CELF2: variants seen among roughly 807,000 people sequenced by gnomAD.
CELF2 encodes the protein CUGBP Elav-like family member 2.
A neutral mutation model predicts 62.6 loss-of-function variants in CELF2; 8 were observed. The ratio of observed to expected loss-of-function variants is 0.13; its 90% CI spans 0.07 to 0.23. The LOEUF (loss-of-function observed/expected upper bound fraction) is 0.23. Among genes scored for constraint, CELF2 ranks in the 10% least tolerant of loss-of-function variants. The pLI is 1.00. For synonymous variants in CELF2, 258 were observed against 250.0 expected (o/e 1.03, Z -0.30); for missense variants, 333 against 671.0 (o/e 0.50, Z 5.56).
the CELF2 span, among the ~76,000 whole-genome samples, chr10:10,647,052 C>G: frequency 6.6e-6 from 1 of 152,156 alleles, no homozygotes; most frequent in South Asian, 2.1e-4. Context: ...TAAATAGGGT[C>G]ACATACTCCT....
chr10:11,118,445 G>A (rs1446647133), intron 1 of CELF2, among the ~76,000 whole-genome samples: 1 of 151,898 alleles, frequency 6.6e-6, no homozygotes, highest in South Asian at 2.1e-4. Context: ...GGGATTACAA[G>A]TGTGAGCCCC....
intron 2 of CELF2, among the ~76,000 whole-genome samples, chr10:10,920,476 TCTCA>T (rs1402048510): frequency 6.6e-6 from 1 of 152,210 alleles, no homozygotes; most frequent in African/African-American, 2.4e-5. Context: ...GCAGTGGAAT[TCTCA>T]CTGTCATCAA....
At chr10:11,295,425 CA>C (rs1217879384) in intron 9 of CELF2, among the ~76,000 whole-genome samples, 2 of 152,226 alleles carry the variant, frequency 1.3e-5, no homozygotes, top group Non-Finnish European at 2.9e-5. Context: ...GTAACTTCTA[CA>C]CTCTTAAAAC....
chr10:11,293,619 T>C (rs2092799741), intron 9 of CELF2, among the ~76,000 whole-genome samples: 1 of 152,176 alleles, frequency 6.6e-6, no homozygotes, highest in Non-Finnish European at 1.5e-5. Flanking sequence ...CAGGGCACAC[T>C]CGGCCTCCCT....
chr10:11,319,335 G>A lies in CELF2; in HGVS notation c.1097-1854G>A, dbSNP rs2095289168. The A allele has an allele frequency of 2.8e-6, 1 of 352,684 alleles. No homozygotes were observed. Among genetic ancestry groups the A allele is most frequent in the South Asian group, 2.1e-5 (1 of 47,286 alleles). The allele number at this position is 352,684 out of a possible 1,614,324, so 21.8% of individuals were successfully genotyped here. A position where few individuals can be genotyped will look rare whatever the true frequency, so the allele number is the denominator to read the frequency against. ...CTTTGCATCACACAAATAGTGGGAG[G>A]TGAGGATGAAGTAAGATCACTGGAG... On this transcript the variant is annotated intron_variant, in intron 10 of 12. Coordinates refer to ENST00000633077, the MANE Select transcript of CELF2 (RefSeq NM_001326342.2). This position sits in a 1 kb window ranked among gnomAD's most constrained non-coding sequence, Gnocchi z 4.4.
intron 1 of CELF2, among the ~76,000 whole-genome samples, chr10:10,829,879 C>T (rs1411901429): frequency 2.0e-5 from 3 of 152,152 alleles, no homozygotes; most frequent in African/African-American, 4.8e-5. Flanking sequence ...CTCAATGTTT[C>T]AGGCAGTTTG....
In CELF2 at chr10:11,319,047, C is replaced by G. The variant is rs1305688564; in HGVS notation, c.1097-2142C>G. On this transcript the variant is annotated intron_variant, in intron 10 of 12. Transcript: ENST00000633077. This position sits in a 1 kb window ranked among gnomAD's most constrained non-coding sequence, Gnocchi z 4.4. ...TCTGGCAGCAAGGCCCCACATGGCT[C>G]TGCAGGCTGCGAGGCACACCCAGAA... 2.1e-6 allele frequency: 1 copy of G among 470,924 alleles called. No homozygotes were observed. The highest frequency in any genetic ancestry group is 6.9e-5 in the East Asian group (1 of 14,392). The allele number at this position is 470,924 out of a possible 1,614,324, so 29.2% of individuals were successfully genotyped here. A position where few individuals can be genotyped will look rare whatever the true frequency, so the allele number is the denominator to read the frequency against.
chr10:10,847,204 G>A (rs902605038), intron 1 of CELF2, among the ~76,000 whole-genome samples: 2 of 150,900 alleles, frequency 1.3e-5, no homozygotes, highest in Non-Finnish European at 1.5e-5. Context: ...TTATATATAC[G>A]CATATATATA....
At chr10:11,257,334 T>TCC (rs2079081189) in intron 4 of CELF2, among the ~76,000 whole-genome samples, 1 of 13,102 alleles carries the variant, frequency 7.6e-5, no homozygotes, top group African/African-American at 2.4e-4. Context: ...AAAGACCATC[T>TCC]ACAAAAAAAA....
chr10:11,095,959 T>C (rs1392456761), intron 1 of CELF2, among the ~76,000 whole-genome samples: 4 of 152,338 alleles, frequency 2.6e-5, no homozygotes, highest in South Asian at 4.1e-4. Flanking sequence ...TTTTGCCATA[T>C]GTATTGAACA....
At chr10:11,188,431 T>G (rs777151085) in intron 2 of CELF2, among the ~76,000 whole-genome samples, 3 of 152,190 alleles carry the variant, frequency 2.0e-5, no homozygotes, top group Non-Finnish European at 4.4e-5. Flanking sequence ...TGGCTATAGA[T>G]TTCTAGGTGG....
chr10:10,908,220 T>TTTTTTTTTC (rs1296675958), intron 1 of CELF2, among the ~76,000 whole-genome samples: 1 of 122,640 alleles, frequency 8.2e-6, no homozygotes, highest in Admixed American at 8.4e-5. Flanking sequence ...GGGGATTTTT[T>TTTTTTTTTC]TTTTTTTTTT....
At chr10:11,133,608 A>G (rs551173536) in intron 1 of CELF2, among the ~76,000 whole-genome samples, 4 of 152,376 alleles carry the variant, frequency 2.6e-5, no homozygotes, top group Admixed American at 2.0e-4. Context: ...GAAATAATAC[A>G]CATTAAGCCT....
intron 2 of CELF2, among the ~76,000 whole-genome samples, chr10:11,198,224 G>A (rs547683380): frequency 5.3e-5 from 8 of 152,318 alleles, no homozygotes; most frequent in South Asian, 4.1e-4. Context: ...ATTCTGTTCC[G>A]TGTGGCAGTG....
In CELF2 at chr10:11,331,139, A is replaced by G. The variant is rs2096005291; in HGVS notation, c.*2086A>G. On this transcript the variant is annotated 3_prime_UTR_variant, in exon 13 of 13. Coordinates refer to ENST00000633077, the MANE Select transcript of CELF2 (RefSeq NM_001326342.2). ...TGGTTTAATGCACATGAAATTACCT[A>G]TATTTTATACTGTTTCAATGTACAG... The G allele has an allele frequency of 6.6e-6, 1 of 152,544 alleles. No homozygotes were observed. The highest frequency in any genetic ancestry group is 1.5e-5 in the Non-Finnish European group (1 of 68,020). The allele number at this position is 152,544 out of a possible 1,614,324, so 9.4% of individuals were successfully genotyped here. A position where few individuals can be genotyped will look rare whatever the true frequency, so the allele number is the denominator to read the frequency against.
At position 11,321,665 on chromosome 10, in the gene CELF2, C is replaced by G. The variant is rs2095444213; in HGVS notation, c.1294+279C>G. On this transcript the variant is annotated intron_variant, in intron 11 of 12. Transcript: ENST00000633077. This position sits in a 1 kb window ranked among gnomAD's most constrained non-coding sequence, Gnocchi z 6.2. ...ATGCCTGTGACTAGCCACTGCACTC[C>G]ATTCGGGGAACACAGACATACCCCT... Among the ~76,000 whole-genome samples, 1 of 152,182 alleles carries G rather than the reference C, an allele frequency of 6.6e-6. No individual in the cohort carries two copies.
intron 2 of CELF2, among the ~76,000 whole-genome samples, chr10:10,944,609 TG>T (rs1394881626): frequency 4.0e-5 from 6 of 151,666 alleles, no homozygotes; most frequent in African/African-American, 1.2e-4. Flanking sequence ...TTTTTTCTTT[TG>T]TTTTTTTTTG....
intron 1 of CELF2, among the ~76,000 whole-genome samples, chr10:10,823,921 G>A (rs2057174029): frequency 6.6e-6 from 1 of 152,122 alleles, no homozygotes; most frequent in South Asian, 2.1e-4. Flanking sequence ...CGTGTGGATA[G>A]ATGGGTAGAT....
intron 2 of CELF2, among the ~76,000 whole-genome samples, chr10:11,196,541 C>A (rs1278910641): frequency 6.6e-6 from 1 of 152,046 alleles, no homozygotes; most frequent in Non-Finnish European, 1.5e-5. Flanking sequence ...ATTGTTCATG[C>A]CGGTGGTCCC....
Sources: gnomAD v4.1 joint callset for allele counts (sites outside exome capture counted in the v4.1 genomes callset) on GRCh38, gnomAD v4.1.1 for gene constraint, Gnocchi (gnomAD v3.1) non-coding constraint, MANE v1.5 for transcripts, NCBI Gene and HGNC (gene_info 2026-07-23, HGNC 2026-07-21) for gene names.